The following CNTNAP2 variants were observed in gnomAD, a reference collection of about 807,000 sequenced individuals.
CNTNAP2 encodes contactin associated protein 2, also known as contactin-associated protein-like 2.
In CNTNAP2, 98 loss-of-function variants were observed where a neutral mutation model predicts 155.2. The ratio of observed to expected loss-of-function variants is 0.63; its 90% CI spans 0.54 to 0.75. CNTNAP2 has a LOEUF of 0.75. Among genes scored for constraint, CNTNAP2 ranks in the 30% least tolerant of loss-of-function variants. The pLI is 0.00. For missense variants in CNTNAP2, 1,727 were observed against 1,688.1 expected, an observed-to-expected ratio of 1.02 and a Z score of -0.40; for synonymous variants, 651 against 631.2, an observed-to-expected ratio of 1.03 and a Z score of -0.47.
chr7:146,340,214 G>GAAATGAAT (rs1262753960), intron 1 of CNTNAP2, among the ~76,000 whole-genome samples: 1 of 142,928 alleles, frequency 7.0e-6, no homozygotes, highest in Non-Finnish European at 1.5e-5. Flanking sequence ...GTTGAAGAGA[G>GAAATGAAT]AAATGAATCA....
intron 13 of CNTNAP2, among the ~76,000 whole-genome samples, chr7:147,875,248 A>G (rs1394454350): frequency 6.6e-6 from 1 of 152,198 alleles, no homozygotes; most frequent in African/African-American, 2.4e-5. Flanking sequence ...TTATAAAGGA[A>G]AGAGGTTTAA....
At chr7:147,743,598 C>T (rs767273625) in intron 13 of CNTNAP2, among the ~76,000 whole-genome samples, 17 of 152,158 alleles carry the variant, frequency 1.1e-4, no homozygotes, top group African/African-American at 2.2e-4. Flanking sequence ...CTGGTAATTG[C>T]GTTTCTGCTT....
chr7:147,117,745 C>A (rs1382765577), intron 5 of CNTNAP2, among the ~76,000 whole-genome samples: 1 of 152,088 alleles, frequency 6.6e-6, no homozygotes, highest in Non-Finnish European at 1.5e-5. Context: ...CAGTATTATA[C>A]TAAAAATTGC....
At chr7:148,312,945 G>A (rs1797620341) in intron 21 of CNTNAP2, among the ~76,000 whole-genome samples, 2 of 151,560 alleles carry the variant, frequency 1.3e-5, no homozygotes, top group Non-Finnish European at 2.9e-5. Context: ...CGTTGAACTG[G>A]GGGAAAAGGT....
chr7:146,760,340 T>C (rs546953413), intron 1 of CNTNAP2, among the ~76,000 whole-genome samples: 1 of 151,194 alleles, frequency 6.6e-6, no homozygotes, highest in South Asian at 2.1e-4. Flanking sequence ...AAAATATCTT[T>C]CACCACTTTC....
chr7:147,354,629 G>A (rs1173538045), intron 9 of CNTNAP2, among the ~76,000 whole-genome samples: 2 of 151,850 alleles, frequency 1.3e-5, no homozygotes, highest in Admixed American at 6.6e-5. Context: ...GCTCTTTTTT[G>A]GTTCCATATG....
chr7:147,568,117 T>G (rs1800211897), intron 12 of CNTNAP2, among the ~76,000 whole-genome samples: 1 of 151,966 alleles, frequency 6.6e-6, no homozygotes, highest in Admixed American at 6.6e-5. Context: ...TAAAAAAATC[T>G]TTGTCTCGGG....
intron 1 of CNTNAP2, among the ~76,000 whole-genome samples, chr7:146,675,988 ATGT>A (rs1023518652): frequency 7.9e-5 from 12 of 152,120 alleles, no homozygotes; most frequent in African/African-American, 2.7e-4. Flanking sequence ...CAGTCACATA[ATGT>A]TGTTGGTAAA....
At chr7:146,325,149 T>C (rs1801075710) in intron 1 of CNTNAP2, among the ~76,000 whole-genome samples, 1 of 152,076 alleles carries the variant, frequency 6.6e-6, no homozygotes, top group African/African-American at 2.4e-5. Context: ...CAGGCTGGTC[T>C]TGAACTCCTA....
At chr7:147,933,542 T>TAGAC (rs397948238) in intron 14 of CNTNAP2, among the ~76,000 whole-genome samples, 1 of 94,890 alleles carries the variant, frequency 1.1e-5, no homozygotes, top group East Asian at 8.6e-4. Flanking sequence ...GATAGATAGA[T>TAGAC]ATAACAGAAT....
chr7:146,915,736 G>GT (rs1239140791), intron 3 of CNTNAP2: 2 of 151,946 alleles, frequency 1.3e-5, no homozygotes, highest in Non-Finnish European at 2.9e-5. Context: ...AGTCTTTAGG[G>GT]TTTTCTAGGT....
At chr7:146,658,084 A>G (rs943223018) in intron 1 of CNTNAP2, among the ~76,000 whole-genome samples, 1 of 152,188 alleles carries the variant, frequency 6.6e-6, no homozygotes, top group Non-Finnish European at 1.5e-5. Flanking sequence ...AGAGTTGGGA[A>G]CATTCCGTGT....
At chr7:148,122,684 CT>C (rs1229388766) in intron 16 of CNTNAP2, among the ~76,000 whole-genome samples, 2 of 152,028 alleles carry the variant, frequency 1.3e-5, no homozygotes, top group African/African-American at 4.8e-5. Flanking sequence ...AGAGAAAAGA[CT>C]GGAAGCCAGA....
chr7:146,520,840 G>A (rs551905084), intron 1 of CNTNAP2, among the ~76,000 whole-genome samples: 11 of 151,884 alleles, frequency 7.2e-5, no homozygotes, highest in Non-Finnish European at 1.3e-4. Context: ...TTACTCTAGC[G>A]CCCTCCTACA....
chr7:148,247,957 T>G (rs1232715282), intron 20 of CNTNAP2, among the ~76,000 whole-genome samples: 1 of 152,060 alleles, frequency 6.6e-6, no homozygotes. Context: ...CTCAGCCTCT[T>G]TCTTCAGTCA....
intron 4 of CNTNAP2, among the ~76,000 whole-genome samples, chr7:147,067,348 G>A (rs1004658411): frequency 1.4e-5 from 2 of 147,356 alleles, no homozygotes; most frequent in Non-Finnish European, 3.0e-5. Flanking sequence ...CCACCCTCAT[G>A]ACCTAATTAA....
chr7:147,853,055 C>G (rs1798977317), intron 13 of CNTNAP2, among the ~76,000 whole-genome samples: 2 of 152,168 alleles, frequency 1.3e-5, no homozygotes, highest in Non-Finnish European at 2.9e-5. Flanking sequence ...AATAAAGTGT[C>G]TTTTTAAGTC....
At chr7:147,347,863 C>T (rs1795904063) in intron 9 of CNTNAP2, among the ~76,000 whole-genome samples, 1 of 151,966 alleles carries the variant, frequency 6.6e-6, no homozygotes, top group Non-Finnish European at 1.5e-5. Context: ...ATAGAAAACT[C>T]AGAAATTAAT....
chr7:146,836,006 T>C (rs1803609822), intron 2 of CNTNAP2, among the ~76,000 whole-genome samples: 1 of 152,160 alleles, frequency 6.6e-6, no homozygotes, highest in Admixed American at 6.6e-5. Flanking sequence ...TGCCTCTTTT[T>C]AACCCAGGAA....
Sources: gnomAD v4.1 joint callset for allele counts (sites outside exome capture counted in the v4.1 genomes callset) on GRCh38, gnomAD v4.1.1 for gene constraint, MANE v1.5 for transcripts, NCBI Gene and HGNC (gene_info 2026-07-23, HGNC 2026-07-21) for gene names.